The following GNAO1 variants were observed in gnomAD, a reference collection of about 807,000 sequenced individuals.
The protein encoded by GNAO1 is G protein subunit alpha o1.
For missense variants in GNAO1, 166 were observed against 478.7 expected (o/e 0.35, Z 6.10); for synonymous variants, 164 against 180.7 (o/e 0.91, Z 0.74).
chr16:56,347,006 T>G (rs1217596508), intron 6 of GNAO1: 1 of 985,398 alleles, frequency 1.0e-6, no homozygotes, highest in African/African-American at 1.7e-5. Flanking sequence ...ATTCAGGAAG[T>G]TCTTCCTTTT....
chr16:56,219,461 G>C (rs1260121158), intron 2 of GNAO1, among the ~76,000 whole-genome samples: 1 of 152,164 alleles, frequency 6.6e-6, no homozygotes, highest in African/African-American at 2.4e-5. Flanking sequence ...CTTCTTGGGG[G>C]AGTCCTTAGT....
intron 6 of GNAO1, chr16:56,345,264 G>C (rs1024520583): frequency 2.4e-5 from 24 of 985,416 alleles, no homozygotes; most frequent in Non-Finnish European, 2.8e-5. Context: ...TCGTGTGCTT[G>C]TACAGCAGGC....
chr16:56,346,433 G>A (rs1476206946), intron 6 of GNAO1: 42 of 985,396 alleles, frequency 4.3e-5, no homozygotes, highest in Non-Finnish European at 5.1e-5. Flanking sequence ...TACGAAGAGC[G>A]TCTTTGCCAA....
intron 2 of GNAO1, among the ~76,000 whole-genome samples, chr16:56,248,889 T>A (rs1478402531): frequency 6.6e-6 from 1 of 152,112 alleles, no homozygotes; most frequent in Non-Finnish European, 1.5e-5. Flanking sequence ...TGGGAGCCCA[T>A]GGGAAGTGTT....
Position 56,326,559 on chromosome 16 carries a change from A to AGG in GNAO1, c.304-2069_304-2068dup, listed in dbSNP as rs1361856922. 2.0e-5 allele frequency among the ~76,000 whole-genome samples: 3 copies of AGG among 152,236 alleles called. No homozygotes were observed. The highest frequency in any genetic ancestry group is 7.2e-5 in the African/African-American group (3 of 41,472). ...ACACAGGAAGGGAGGGAAGCCATGAAGGGGAGCTCATGGGTGGCCTGCCAC... is the reference window on the plus strand; with the variant it reads ...ACACAGGAAGGGAGGGAAGCCATGAAGGGGGGAGCTCATGGGTGGCCTGCCAC... On this transcript the variant is annotated intron_variant, in intron 3 of 8. Transcript: ENST00000262493. The surrounding 1 kb of genome is among the most constrained non-coding windows in gnomAD (Gnocchi z 4.8).
Position 56,224,863 on chromosome 16 carries a change from G to A in GNAO1, c.161+32247G>A, listed in dbSNP as rs536857848. 4.6e-5 allele frequency among the ~76,000 whole-genome samples: 7 copies of A among 152,330 alleles called. No homozygotes were observed. The South Asian group carries it at 1.2e-3, about 27-fold the overall frequency. On this transcript the variant is annotated intron_variant, in intron 2 of 8. Transcript: ENST00000262493. ...ACTAATTTCATCTGTAGCCCATCTG[G>A]ACACTTATAAGGTCTCAAACAATCC...
At chr16:56,309,838 G>T (rs1031621302) in intron 3 of GNAO1, among the ~76,000 whole-genome samples, 1 of 152,204 alleles carries the variant, frequency 6.6e-6, no homozygotes, top group African/African-American at 2.4e-5. Flanking sequence ...GTGGAGAAAG[G>T]ACATCAGTTT....
intron 6 of GNAO1, chr16:56,347,144 G>A (rs1265741447): frequency 2.0e-6 from 2 of 985,466 alleles, no homozygotes; most frequent in East Asian, 2.3e-4. Flanking sequence ...CTCCAAGTCA[G>A]CTAGTGGCCT....
intron 3 of GNAO1, among the ~76,000 whole-genome samples, chr16:56,293,517 GCAGA>G (rs2143565213): frequency 6.6e-6 from 1 of 152,300 alleles, no homozygotes; most frequent in Non-Finnish European, 1.5e-5. Context: ...TGTTCTGTGT[GCAGA>G]CAGTGTGCCA....
In GNAO1 at chr16:56,354,868, C is replaced by T. The variant is rs1219437188; in HGVS notation, c.880C>T (p.Pro294Ser). 1 of 1,608,296 alleles carries T rather than the reference C, an allele frequency of 6.2e-7. No homozygotes were observed. The highest frequency in any genetic ancestry group is 8.5e-7 in the Non-Finnish European group (1 of 1,175,136). Residue 294 changes from proline to serine, a missense_variant and splice_region_variant, in exon 8 of 9, where the codon CCC (proline) becomes TCC (serine). Pro to Ser is a moderately conservative substitution (Grantham distance 74, BLOSUM62 -1). Coordinates refer to ENST00000262493, the MANE Select transcript of GNAO1 (RefSeq NM_020988.3). This position sits in a 1 kb window ranked among gnomAD's most constrained non-coding sequence, Gnocchi z 4.3. ...LTICFPEYTG[P>S]NTYEDAAAYI... The stretch of plus-strand genomic sequence containing the variant: ...CGTTCTTCTGTGTCTTGTTACAGGC[C>T]CCAATACCTATGAAGACGCAGCCGC...
At chr16:56,336,476 G>A (rs1341270005) in intron 5 of GNAO1, 25 of 402,292 alleles carry the variant, frequency 6.2e-5, no homozygotes, top group Admixed American at 4.1e-5. Context: ...CTCCTCAGAT[G>A]CAAGGGCAGG....
intron 3 of GNAO1, among the ~76,000 whole-genome samples, chr16:56,324,037 G>A (rs562654380): frequency 1.1e-3 from 167 of 152,296 alleles, no homozygotes; most frequent in African/African-American, 3.8e-3. Flanking sequence ...GGGCCAGGGG[G>A]TGTTGCTGCC....
chr16:56,340,461 C>T (rs1421580413), intron 6 of GNAO1: 3 of 191,356 alleles, frequency 1.6e-5, no homozygotes, highest in African/African-American at 2.3e-5. Flanking sequence ...AGCAGGGTTC[C>T]GCGCAGATGC....
rs1596866096 is a variant in GNAO1, at chr16:56,326,125, C to T, written c.304-2506C>T. 6.6e-6 allele frequency among the ~76,000 whole-genome samples: 1 copy of T among 152,198 alleles called. No homozygotes were observed. Among genetic ancestry groups the T allele is most frequent in the Non-Finnish European group, 1.5e-5 (1 of 68,032 alleles). ...AGGGTCCAGCACACTCCTGTCCTGGCCCTGTGTTCCCAGCCATGCCTCTTC... is the reference window on the plus strand; with the variant it reads ...AGGGTCCAGCACACTCCTGTCCTGGTCCTGTGTTCCCAGCCATGCCTCTTC... On this transcript the variant is annotated intron_variant, in intron 3 of 8. Coordinates refer to ENST00000262493, the MANE Select transcript of GNAO1 (RefSeq NM_020988.3). The surrounding 1 kb of genome is among the most constrained non-coding windows in gnomAD (Gnocchi z 4.8).
chr16:56,321,909 C>T (rs1108657), intron 3 of GNAO1, among the ~76,000 whole-genome samples: 124,605 of 152,206 alleles, frequency 0.82, 51,556 homozygotes, highest in East Asian at 0.97. Context: ...ATTCAGGCTA[C>T]CATAGCAGAA....
At chr16:56,318,334 C>T (rs1040828820) in intron 3 of GNAO1, among the ~76,000 whole-genome samples, 2 of 152,188 alleles carry the variant, frequency 1.3e-5, no homozygotes, top group Admixed American at 1.3e-4. Context: ...CAGGCTGGGC[C>T]CCCCCAGCGG....
intron 6 of GNAO1, among the ~76,000 whole-genome samples, chr16:56,341,403 C>A (rs2037802270): frequency 1.3e-5 from 2 of 152,256 alleles, no homozygotes; most frequent in Non-Finnish European, 2.9e-5. Flanking sequence ...CCTCTCTGAA[C>A]CTCAGTCTCT....
chr16:56,332,542 A>G (rs1227973229), intron 4 of GNAO1, among the ~76,000 whole-genome samples: 1 of 152,016 alleles, frequency 6.6e-6, no homozygotes, highest in African/African-American at 2.4e-5. Context: ...ACCACCTCAC[A>G]CACGTGTGCA....
chr16:56,300,034 T>TGTGTGTGTGTGTGTGTGTGTGTGC (rs1555505519), intron 3 of GNAO1, among the ~76,000 whole-genome samples: 4 of 95,088 alleles, frequency 4.2e-5, no homozygotes, highest in African/African-American at 1.5e-4. Flanking sequence ...TGTGTGTGTG[T>TGTGTGTGTGTGTGTGTGTGTGTGC]GTGCGCGCGC....
Sources: allele counts gnomAD v4.1 joint callset (sites outside exome capture counted in the v4.1 genomes callset), GRCh38; gene constraint gnomAD v4.1.1; non-coding constraint Gnocchi (gnomAD v3.1); transcripts MANE v1.5; gene names NCBI Gene and HGNC (gene_info 2026-07-23, HGNC 2026-07-21).